ANGPT1: variants seen among roughly 807,000 people sequenced by gnomAD.
The protein encoded by ANGPT1 is angiopoietin-1.
Under a neutral mutation model 62.2 loss-of-function variants are expected in ANGPT1, and 17 were observed. The ratio of observed to expected loss-of-function variants is 0.27; its 90% CI spans 0.19 to 0.41. ANGPT1 has a LOEUF of 0.41. Ranked by LOEUF, ANGPT1 falls within the 10% of genes least tolerant of loss-of-function variation. ANGPT1 has a pLI of 1.00. For synonymous variants in ANGPT1, 199 were observed against 198.9 expected (o/e 1.00, Z 0.00); for missense variants, 478 against 594.9 (o/e 0.80, Z 2.04).
chr8:107,458,802 C>G (rs745393877), intron 1 of ANGPT1, among the ~76,000 whole-genome samples: 4 of 152,264 alleles, frequency 2.6e-5, no homozygotes, highest in Admixed American at 6.5e-5. Flanking sequence ...ATCCTGTCAA[C>G]TGCATGCATG....
chr8:107,395,120 A>G (rs896380980), intron 1 of ANGPT1, among the ~76,000 whole-genome samples: 2 of 152,194 alleles, frequency 1.3e-5, no homozygotes, highest in African/African-American at 4.8e-5. Context: ...GAAATGTCCA[A>G]TGTGAATCTA....
At chr8:107,436,340 T>C (rs1309467094) in intron 1 of ANGPT1, among the ~76,000 whole-genome samples, 1 of 152,216 alleles carries the variant, frequency 6.6e-6, no homozygotes, top group African/African-American at 2.4e-5. Flanking sequence ...CACTCTTCAA[T>C]TTCATTGCTA....
At chr8:107,401,203 T>C (rs1402788471) in intron 1 of ANGPT1, among the ~76,000 whole-genome samples, 1 of 152,112 alleles carries the variant, frequency 6.6e-6, no homozygotes, top group Non-Finnish European at 1.5e-5. Flanking sequence ...TCATACACCA[T>C]TTTTCTACCG....
At chr8:107,396,283 A>C (rs1324938563) in intron 1 of ANGPT1, among the ~76,000 whole-genome samples, 1 of 152,126 alleles carries the variant, frequency 6.6e-6, no homozygotes, top group Non-Finnish European at 1.5e-5. Flanking sequence ...CAATTAGCCA[A>C]ATTACTTTTC....
chr8:107,419,862 G>T (rs1810851537), intron 1 of ANGPT1, among the ~76,000 whole-genome samples: 1 of 152,232 alleles, frequency 6.6e-6, no homozygotes, highest in African/African-American at 2.4e-5. Flanking sequence ...CTTTTAAATT[G>T]CTATTATAAA....
At chr8:107,372,014 T>A (rs1368784044) in intron 1 of ANGPT1, among the ~76,000 whole-genome samples, 1 of 152,190 alleles carries the variant, frequency 6.6e-6, no homozygotes, top group Admixed American at 6.5e-5. Flanking sequence ...CTATGTCATA[T>A]GGACCAAAAG....
chr8:107,276,900 C>A (rs1399261559), intron 7 of ANGPT1, among the ~76,000 whole-genome samples: 16 of 152,158 alleles, frequency 1.1e-4, no homozygotes, highest in Admixed American at 1.0e-3. Flanking sequence ...TTGTTTTCTT[C>A]ACAATTTTGG....
chr8:107,489,089 C>G (rs1261016994), intron 1 of ANGPT1, among the ~76,000 whole-genome samples: 1 of 152,168 alleles, frequency 6.6e-6, no homozygotes, highest in Non-Finnish European at 1.5e-5. Context: ...ATGAATAGAG[C>G]TACACACGTC....
At chr8:107,299,132 C>CA (rs1430278307) in intron 5 of ANGPT1, among the ~76,000 whole-genome samples, 1 of 151,484 alleles carries the variant, frequency 6.6e-6, no homozygotes, top group Non-Finnish European at 1.5e-5. Flanking sequence ...TCACATGTCA[C>CA]ACCATGTGTT....
At chr8:107,367,957 A>G (rs1816310084) in intron 1 of ANGPT1, among the ~76,000 whole-genome samples, 1 of 152,114 alleles carries the variant, frequency 6.6e-6, no homozygotes, top group Non-Finnish European at 1.5e-5. Context: ...CTTCTTCCAA[A>G]CTTGTGTTAA....
intron 2 of ANGPT1, among the ~76,000 whole-genome samples, chr8:107,337,494 C>T (rs1199873725): frequency 6.6e-6 from 1 of 152,140 alleles, no homozygotes; most frequent in South Asian, 2.1e-4. Flanking sequence ...CTAGCAGATG[C>T]CTTCAAATTG....
At chr8:107,479,569 G>A (rs1042691987) in intron 1 of ANGPT1, among the ~76,000 whole-genome samples, 1 of 152,154 alleles carries the variant, frequency 6.6e-6, no homozygotes, top group Non-Finnish European at 1.5e-5. Flanking sequence ...CTCATTTTAC[G>A]TTTGAGAGAT....
At chr8:107,474,432 T>C (rs1812455826) in intron 1 of ANGPT1, among the ~76,000 whole-genome samples, 2 of 152,256 alleles carry the variant, frequency 1.3e-5, no homozygotes, top group Non-Finnish European at 2.9e-5. Context: ...ATGGGACATA[T>C]CTCAAAATAA....
At chr8:107,358,429 A>G (rs987748119) in intron 1 of ANGPT1, among the ~76,000 whole-genome samples, 3 of 151,688 alleles carry the variant, frequency 2.0e-5, no homozygotes, top group African/African-American at 7.3e-5. Flanking sequence ...GCATTGTTTC[A>G]TCTTTCACAA....
chr8:107,371,950 G>A (rs1462721211), intron 1 of ANGPT1, among the ~76,000 whole-genome samples: 2 of 151,934 alleles, frequency 1.3e-5, no homozygotes, highest in Non-Finnish European at 1.5e-5. Context: ...TGGATCTCAG[G>A]GAGCCTTATA....
chr8:107,293,039 C>T (rs774388657), intron 6 of ANGPT1, among the ~76,000 whole-genome samples: 6 of 152,152 alleles, frequency 3.9e-5, no homozygotes, highest in Non-Finnish European at 7.3e-5. Context: ...ATTGTAGGCA[C>T]CGACTATGTG....
At chr8:107,359,649 T>C (rs944685744) in intron 1 of ANGPT1, among the ~76,000 whole-genome samples, 5 of 152,286 alleles carry the variant, frequency 3.3e-5, no homozygotes, top group East Asian at 3.9e-4. Context: ...TAGCTTTCCA[T>C]GGCTTACAAA....
intron 2 of ANGPT1, among the ~76,000 whole-genome samples, chr8:107,337,604 C>T (rs1027331133): frequency 6.6e-6 from 1 of 152,146 alleles, no homozygotes; most frequent in African/African-American, 2.4e-5. Flanking sequence ...TTTAAAAGCT[C>T]CTCACATTAT....
chr8:107,452,489 T>A (rs1329901366), intron 1 of ANGPT1, among the ~76,000 whole-genome samples: 1 of 151,130 alleles, frequency 6.6e-6, no homozygotes, highest in South Asian at 2.1e-4. Flanking sequence ...TCTTTATTTT[T>A]ATTTTTTTAT....
Sources: gnomAD v4.1 joint callset for allele counts (sites outside exome capture counted in the v4.1 genomes callset) on GRCh38, gnomAD v4.1.1 for gene constraint, MANE v1.5 for transcripts, NCBI Gene and HGNC (gene_info 2026-07-23, HGNC 2026-07-21) for gene names.